GALNT13: variants seen among roughly 807,000 people sequenced by gnomAD.
GALNT13 encodes the protein polypeptide N-acetylgalactosaminyltransferase 13, also known as UDP-GalNAc:polypeptide N-acetylgalactosaminyltransferase 13.
GALNT13 carries 28 observed loss-of-function variants against 64.2 expected under a neutral mutation model. That is an observed-to-expected ratio of 0.44 (90% CI 0.32 to 0.60). The LOEUF (loss-of-function observed/expected upper bound fraction) is 0.60, where lower values mean the gene tolerates loss of function less well. GALNT13 is among the 20% of genes least tolerant of loss of function. The pLI is 0.05. For missense variants in GALNT13, 577 were observed against 669.8 expected, an observed-to-expected ratio of 0.86 and a Z score of 1.53; for synonymous variants, 214 against 224.6, an observed-to-expected ratio of 0.95 and a Z score of 0.42.
At chr2:153,323,538 G>T in the GALNT13 span, among the ~76,000 whole-genome samples, 1 of 152,036 alleles carries the variant, frequency 6.6e-6, no homozygotes, top group African/African-American at 2.4e-5. Context: ...CATTGCTTTT[G>T]GTGTTTTAGT....
chr2:154,285,960 A>G (rs566372393), intron 8 of GALNT13, among the ~76,000 whole-genome samples: 5 of 152,318 alleles, frequency 3.3e-5, no homozygotes, highest in Admixed American at 2.6e-4. Flanking sequence ...GTTATTGTAA[A>G]TGGGATTGTT....
At chr2:153,968,226 T>C (rs1370195276) in intron 3 of GALNT13, among the ~76,000 whole-genome samples, 1 of 152,162 alleles carries the variant, frequency 6.6e-6, no homozygotes, top group Non-Finnish European at 1.5e-5. Flanking sequence ...AATCAGTCAC[T>C]GGTAGAGCTG....
chr2:154,327,117 A>G (rs1274401174), intron 9 of GALNT13, among the ~76,000 whole-genome samples: 3 of 151,826 alleles, frequency 2.0e-5, no homozygotes, highest in African/African-American at 4.8e-5. Flanking sequence ...TGTTCTCACT[A>G]TCACTATCCC....
At chr2:153,771,803 G>C in the GALNT13 span, among the ~76,000 whole-genome samples, 1 of 152,256 alleles carries the variant, frequency 6.6e-6, no homozygotes, top group African/African-American at 2.4e-5. Flanking sequence ...CAAGTGAGTG[G>C]GTGATCCAAA....
Position 154,301,480 on chromosome 2 carries a change from T to C in GALNT13, c.1047T>C (p.Thr349=). Residue 349 remains threonine (T), a synonymous_variant, in exon 9 of 13, where the codon ACT becomes ACC. Transcript: ENST00000392825. ...SHVGHVFRKA[T]PYTFPGGTGH... ...TTGGTCATGTTTTTCGGAAGGCAACTCCATACACTTTTCCTGGTGGCACTG... is the reference window on the plus strand; with the variant it reads ...TTGGTCATGTTTTTCGGAAGGCAACCCCATACACTTTTCCTGGTGGCACTG... 6.2e-7 allele frequency: 1 copy of C among 1,613,906 alleles called. No individual in the cohort carries two copies. The highest frequency in any genetic ancestry group is 1.3e-5 in the African/African-American group (1 of 75,048).
chr2:154,007,171 GC>G lies in GALNT13; in HGVS notation c.142+62535del, dbSNP rs1190891703. On this transcript the variant is annotated intron_variant, in intron 3 of 12. Transcript: ENST00000392825. ...TAGTAAGCTGCCATATCATAATAGG[GC>G]CCTGTGGCGAGGCACTGTGAGTGGC... Among the ~76,000 whole-genome samples the G allele has an allele frequency of 2.0e-5, 3 of 152,232 alleles. No homozygotes were observed. In the East Asian group the frequency reaches 5.8e-4, roughly 29 times the overall value.
chr2:153,764,708 G>A, the GALNT13 span, among the ~76,000 whole-genome samples: 1 of 152,222 alleles, frequency 6.6e-6, no homozygotes, highest in South Asian at 2.1e-4. Context: ...ATGTCTCCAG[G>A]CCATGTCAGA....
the GALNT13 span, among the ~76,000 whole-genome samples, chr2:153,288,777 A>T: frequency 1.3e-5 from 2 of 152,190 alleles, no homozygotes; most frequent in Non-Finnish European, 1.5e-5. Context: ...TATAGAAAAA[A>T]ACTTAGTAAA....
chr2:153,411,223 T>C, the GALNT13 span, among the ~76,000 whole-genome samples: 1 of 151,156 alleles, frequency 6.6e-6, no homozygotes, highest in Non-Finnish European at 1.5e-5. Context: ...TTCAGTCATA[T>C]AGTAAATTCA....
At chr2:153,547,812 T>C in the GALNT13 span, among the ~76,000 whole-genome samples, 3 of 152,190 alleles carry the variant, frequency 2.0e-5, no homozygotes, top group African/African-American at 4.8e-5. Context: ...TTAGGCAAAC[T>C]GGGGTTTGAC....
intron 4 of GALNT13, among the ~76,000 whole-genome samples, chr2:154,185,367 A>G (rs1210994789): frequency 6.6e-6 from 1 of 151,978 alleles, no homozygotes; most frequent in Non-Finnish European, 1.5e-5. Context: ...TTTGGGCTTT[A>G]TCAACCTAGA....
At chr2:153,181,529 C>A in the GALNT13 span, among the ~76,000 whole-genome samples, 42 of 150,544 alleles carry the variant, frequency 2.8e-4, no homozygotes, top group Non-Finnish European at 5.5e-4. Flanking sequence ...TCCCTTTGGT[C>A]TAAAGTGTTT....
chr2:153,549,229 G>T, the GALNT13 span, among the ~76,000 whole-genome samples: 2 of 152,140 alleles, frequency 1.3e-5, no homozygotes, highest in East Asian at 3.9e-4. Flanking sequence ...CCACTGAACT[G>T]CACACGTTAA....
At chr2:153,535,266 A>C in the GALNT13 span, among the ~76,000 whole-genome samples, 1 of 152,168 alleles carries the variant, frequency 6.6e-6, no homozygotes, top group East Asian at 1.9e-4. Flanking sequence ...AACAGGTATA[A>C]AAGGTCTAAG....
chr2:153,154,715 C>G, the GALNT13 span, among the ~76,000 whole-genome samples: 1 of 152,074 alleles, frequency 6.6e-6, no homozygotes, highest in South Asian at 2.1e-4. Context: ...ATTTGGATGT[C>G]CTTTATTTCT....
At chr2:153,793,957 T>C in the GALNT13 span, among the ~76,000 whole-genome samples, 1 of 152,206 alleles carries the variant, frequency 6.6e-6, no homozygotes, top group African/African-American at 2.4e-5. Context: ...GTTGGTCTTG[T>C]TAATGCTATA....
the GALNT13 span, among the ~76,000 whole-genome samples, chr2:153,657,786 A>C: frequency 1.3e-5 from 2 of 152,150 alleles, no homozygotes; most frequent in African/African-American, 4.8e-5. Context: ...GTTTGAGAAC[A>C]ACTTGGCAGA....
the GALNT13 span, among the ~76,000 whole-genome samples, chr2:153,438,597 C>T: frequency 2.0e-5 from 3 of 152,196 alleles, no homozygotes. Context: ...CGCTGATATA[C>T]TTTCTTCCAG....
rs544528219 is a variant in GALNT13 at position 154,342,245 on chromosome 2, G to GA, written c.1156+40662dup. Among the ~76,000 whole-genome samples, 480 of 151,986 alleles carry GA rather than the reference G, an allele frequency of 3.2e-3. 3 individuals are homozygous for GA. The highest frequency in any genetic ancestry group is 3.0e-3 in the Non-Finnish European group (201 of 67,910). ...GAGCTCACCAAGAGAATGGAGGTAGGAAAAAATGATCTAATAAGGGTTGAG... is the reference window on the plus strand; with the variant it reads ...GAGCTCACCAAGAGAATGGAGGTAGGAAAAAAATGATCTAATAAGGGTTGAG... On this transcript the variant is annotated intron_variant, in intron 9 of 12. Coordinates refer to ENST00000392825, the MANE Select transcript of GALNT13 (RefSeq NM_052917.4).
Sources: allele counts gnomAD v4.1 joint callset (sites outside exome capture counted in the v4.1 genomes callset), GRCh38; gene constraint gnomAD v4.1.1; transcripts MANE v1.5; gene names NCBI Gene and HGNC (gene_info 2026-07-23, HGNC 2026-07-21).